The following PM20D2 variants were observed in gnomAD, a reference collection of about 807,000 sequenced individuals.
PM20D2 encodes peptidase M20 domain containing 2.
A neutral mutation model predicts 42.9 loss-of-function variants in PM20D2; 33 were observed. The ratio of observed to expected loss-of-function variants is 0.77; its 90% CI spans 0.58 to 1.03. The LOEUF (loss-of-function observed/expected upper bound fraction) is 1.03. Ranked by LOEUF, PM20D2 falls within the 50% of genes least tolerant of loss-of-function variation. The probability of loss-of-function intolerance (pLI) is 0.00; values close to 1 mark genes in which losing one functional copy is unlikely to be tolerated. For synonymous variants in PM20D2, 250 were observed against 228.2 expected, an observed-to-expected ratio of 1.10 and a Z score of -0.86; for missense variants, 548 against 557.0, an observed-to-expected ratio of 0.98 and a Z score of 0.16.
At chr6:89,122,037 T>C in the PM20D2 span, among the ~76,000 whole-genome samples, 7 of 152,220 alleles carry the variant, frequency 4.6e-5, no homozygotes, top group African/African-American at 1.4e-4. Flanking sequence ...TCTTTAAAAT[T>C]AGTAGTCTAT....
chr6:89,147,241 C>A (rs1182807010), intron 1 of PM20D2, among the ~76,000 whole-genome samples: 1 of 152,160 alleles, frequency 6.6e-6, no homozygotes, highest in East Asian at 1.9e-4. Flanking sequence ...ACTCTTTAAA[C>A]AGGGAAATGT....
At chr6:89,105,047 C>T in the PM20D2 span, 1 of 1,362,066 alleles carries the variant, frequency 7.3e-7, no homozygotes, top group Non-Finnish European at 9.7e-7. Context: ...AACAATGAGA[C>T]CCTATCAAAA....
chr6:89,105,176 G>C, the PM20D2 span: 2 of 1,612,442 alleles, frequency 1.2e-6, no homozygotes, highest in Non-Finnish European at 1.7e-6. Flanking sequence ...TCTACTTCGA[G>C]TTCTTCTTTG....
At chr6:89,144,900 A>T (rs72917710), upstream of PM20D2, among the ~76,000 whole-genome samples, 1,033 of 152,358 alleles carry the variant, frequency 6.8e-3, 6 homozygotes, top group Non-Finnish European at 0.012. Flanking sequence ...ACTGAGAAAG[A>T]AAGTTTTCAG....
chr6:89,094,367 G>A, the PM20D2 span, among the ~76,000 whole-genome samples: 1 of 151,896 alleles, frequency 6.6e-6, no homozygotes, highest in Non-Finnish European at 1.5e-5. Flanking sequence ...ATTACAGGGT[G>A]TGCCACCACA....
chr6:89,123,737 A>AAGGTTT, the PM20D2 span, among the ~76,000 whole-genome samples: 1 of 148,640 alleles, frequency 6.7e-6, no homozygotes, highest in African/African-American at 2.5e-5. Context: ...AAAAAAAAAA[A>AAGGTTT]AGGTTTATAG....
chr6:89,158,580 T>G, intron 5 of PM20D2, 120 bp downstream of exon 5: 1 of 1,108,780 alleles, frequency 9.0e-7, no homozygotes, highest in Non-Finnish European at 1.3e-6. Flanking sequence ...TTTTAATATT[T>G]TCACAAACTT....
the PM20D2 span, among the ~76,000 whole-genome samples, chr6:89,111,302 T>C: frequency 4.6e-5 from 7 of 152,180 alleles, no homozygotes; most frequent in Admixed American, 4.6e-4. Flanking sequence ...GATGGGGTTT[T>C]GTTATGCTAG....
intron 5 of PM20D2, among the ~76,000 whole-genome samples, chr6:89,159,902 T>A (rs1771177285): frequency 6.6e-6 from 1 of 152,178 alleles, no homozygotes; most frequent in Admixed American, 6.5e-5. Flanking sequence ...GCTGTCTAGC[T>A]GAAGAAGGGA....
chr6:89,118,377 G>A, the PM20D2 span, among the ~76,000 whole-genome samples: 1 of 152,348 alleles, frequency 6.6e-6, no homozygotes, highest in African/African-American at 2.4e-5. Flanking sequence ...CTCAGCCTCC[G>A]CGGCCCTCAG....
chr6:89,149,448 G>T, intron 2 of PM20D2, 35 bp downstream of exon 2: 3 of 1,606,024 alleles, frequency 1.9e-6, no homozygotes, highest in Non-Finnish European at 2.6e-6. Flanking sequence ...CTTCTTAGGG[G>T]AACACAGGCT....
Position 89,146,515 on chromosome 6 carries a change from G to C in PM20D2, c.371G>C (p.Cys124Ser). ...GCGCTGCCCGGCATCGGCCACGCCTGCGGCCACAACCTCATCGCTGAGGTC... is the reference window on the plus strand; with the variant it reads ...GCGCTGCCCGGCATCGGCCACGCCTCCGGCCACAACCTCATCGCTGAGGTC... The part of the protein sequence containing the change: ...YDALPGIGHA[C>S]GHNLIAEVGA... Residue 124 changes from cysteine to serine, a missense_variant, in exon 1 of 7, where the codon TGC becomes TCC. By Grantham distance (112) the Cys-to-Ser change is moderately radical (BLOSUM62 -1). Around this residue, in one of 3 missense-constraint regions of PM20D2, gnomAD observed 470 missense variants for 464.4 expected, o/e 1.01. Transcript: ENST00000275072. The C allele has an allele frequency of 6.6e-7, 1 of 1,520,848 alleles. No individual in the cohort carries two copies. The highest frequency in any genetic ancestry group is 8.8e-7 in the Non-Finnish European group (1 of 1,141,666). The allele number at this position is 1,520,848 out of a possible 1,614,324, so 94.2% of individuals were successfully genotyped here.
In PM20D2 at chr6:89,162,258, G is replaced by C. The variant is rs559026955; in HGVS notation, c.1306G>C (p.Glu436Gln). 1.6e-4 allele frequency: 259 copies of C among 1,611,182 alleles called. 3 individuals are homozygous for C. The South Asian group carries it at 2.8e-3, about 18-fold the overall frequency. Reference protein sequence around the residue: ...LQEEQFVNAVE With the variant: ...LQEEQFVNAVQ The stretch of plus-strand genomic sequence containing the variant: ...AGAAGAACAGTTTGTAAATGCAGTA[G>C]AATAAAAGACTTAGGGGCCACTTAT... Residue 436 changes from glutamate (E) to glutamine (Q), a missense_variant, in exon 7 of 7, where the codon GAA (glutamate) becomes CAA (glutamine). By Grantham distance (29) the Glu-to-Gln change is conservative. Transcript: ENST00000275072.
At chr6:89,151,421 G>C (rs1452467048) in intron 2 of PM20D2, among the ~76,000 whole-genome samples, 1 of 151,716 alleles carries the variant, frequency 6.6e-6, no homozygotes, top group African/African-American at 2.4e-5. Context: ...GTAGAGACAG[G>C]GTCACCATGT....
At chr6:89,123,265 A>G in the PM20D2 span, among the ~76,000 whole-genome samples, 1 of 152,212 alleles carries the variant, frequency 6.6e-6, no homozygotes, top group African/African-American at 2.4e-5. Context: ...TTAATTCTCA[A>G]GGACCTAGTC....
chr6:89,153,225 C>G (rs1770914644), intron 3 of PM20D2, 40 bp downstream of exon 3: 1 of 1,475,534 alleles, frequency 6.8e-7, no homozygotes, highest in Admixed American at 2.3e-5. Flanking sequence ...ATGGTGCTTG[C>G]TATAGTTCAG....
the PM20D2 span, among the ~76,000 whole-genome samples, chr6:89,103,512 A>G: frequency 6.6e-6 from 1 of 152,134 alleles, no homozygotes; most frequent in Middle Eastern, 3.2e-3. Context: ...TATTTTTAGT[A>G]GACACGGGGT....
chr6:89,117,642 G>A, the PM20D2 span, among the ~76,000 whole-genome samples: 1 of 152,024 alleles, frequency 6.6e-6, no homozygotes, highest in South Asian at 2.1e-4. Context: ...GGAGGCGCGA[G>A]TTCCGCCCTG....
chr6:89,129,082 G>C, the PM20D2 span, among the ~76,000 whole-genome samples: 1 of 152,174 alleles, frequency 6.6e-6, no homozygotes. Context: ...CAAAGCTAGA[G>C]GGTGTGGTGG....
Sources: allele counts gnomAD v4.1 joint callset (sites outside exome capture counted in the v4.1 genomes callset), GRCh38; gene constraint gnomAD v4.1.1; regional missense constraint gnomAD v4.1.1; transcripts MANE v1.5; gene names NCBI Gene and HGNC (gene_info 2026-07-23, HGNC 2026-07-21).